SASH1: variants seen among roughly 807,000 people sequenced by gnomAD.
The protein encoded by SASH1 is SAM and SH3 domain-containing protein 1.
SASH1 carries 44 observed loss-of-function variants against 125.2 expected under a neutral mutation model. The observed-to-expected ratio is 0.35, with a 90% confidence interval of 0.28 to 0.45. SASH1 has a LOEUF of 0.45. Ranked by LOEUF, SASH1 falls within the 20% of genes least tolerant of loss-of-function variation. The pLI is 1.00. For missense variants in SASH1, 1,426 were observed against 1,614.5 expected, an observed-to-expected ratio of 0.88 and a Z score of 2.00; for synonymous variants, 639 against 649.1, an observed-to-expected ratio of 0.98 and a Z score of 0.24.
At chr6:148,233,477 G>A in the SASH1 span, among the ~76,000 whole-genome samples, 1 of 151,750 alleles carries the variant, frequency 6.6e-6, no homozygotes. Context: ...AATGTATATT[G>A]TGTATGTACT....
At chr6:148,482,291 A>C (rs1211291635) in intron 7 of SASH1, among the ~76,000 whole-genome samples, 5 of 152,200 alleles carry the variant, frequency 3.3e-5, no homozygotes, top group African/African-American at 1.2e-4. Context: ...ATTGAGAGAG[A>C]TCTATGACCG....
the SASH1 span, among the ~76,000 whole-genome samples, chr6:148,209,512 A>G: frequency 2.0e-5 from 3 of 152,330 alleles, no homozygotes; most frequent in East Asian, 3.9e-4. Flanking sequence ...TCAAGTGTAC[A>G]TCTGTTCTTG....
In SASH1 at chr6:148,356,037, C is replaced by T. The variant is rs529065878; in HGVS notation, c.156+12814C>T. On this transcript the variant is annotated intron_variant, in intron 1 of 19. Coordinates refer to ENST00000367467, the MANE Select transcript of SASH1 (RefSeq NM_015278.5). The stretch of plus-strand genomic sequence containing the variant: ...ATACCTCATCCTCTTCCACGCTTCC[C>T]CCCAAGTCCCCCAAAGTCCATTGTA... Among the ~76,000 whole-genome samples the T allele has an allele frequency of 4.6e-5, 7 of 151,768 alleles. No homozygotes were observed. The South Asian group carries it at 1.5e-3, about 32-fold the overall frequency.
the SASH1 span, among the ~76,000 whole-genome samples, chr6:148,193,964 CTG>C: frequency 1.3e-5 from 2 of 152,092 alleles, no homozygotes; most frequent in Admixed American, 6.5e-5. Flanking sequence ...TCTTGGAACT[CTG>C]TGTTGGATTT....
rs564187947 is a variant in SASH1 at position 148,445,107 on chromosome 6, A to G, written c.386+4700A>G. On this transcript the variant is annotated intron_variant, in intron 4 of 19. Coordinates refer to ENST00000367467, the MANE Select transcript of SASH1 (RefSeq NM_015278.5). ...CATATAATGAGCAGTGAGGATGACC[A>G]GAGGTCACTTTCATCGCCATCTTGG... 9.1e-4 allele frequency among the ~76,000 whole-genome samples: 138 copies of G among 152,318 alleles called. 1 individual carries two copies. The highest frequency in any genetic ancestry group is 3.1e-3 in the African/African-American group (129 of 41,570).
intron 10 of SASH1, among the ~76,000 whole-genome samples, chr6:148,522,185 C>G (rs1780856820): frequency 1.3e-5 from 2 of 152,162 alleles, no homozygotes; most frequent in Non-Finnish European, 2.9e-5. Context: ...GCTTGAGACA[C>G]TAATGGACAG....
chr6:148,317,490 C>T (rs1338770894), intron 1 of SASH1, among the ~76,000 whole-genome samples: 1 of 152,228 alleles, frequency 6.6e-6, no homozygotes, highest in Non-Finnish European at 1.5e-5. Context: ...AATGGCACGA[C>T]CTCGGCTCAC....
At chr6:148,292,603 T>C (rs546530718) in intron 1 of SASH1, among the ~76,000 whole-genome samples, 5 of 152,282 alleles carry the variant, frequency 3.3e-5, no homozygotes, top group Admixed American at 2.6e-4. Flanking sequence ...ACACCGACTT[T>C]CATGGGGACT....
intron 1 of SASH1, among the ~76,000 whole-genome samples, chr6:148,320,664 G>C (rs1314473000): frequency 2.6e-5 from 4 of 152,210 alleles, no homozygotes; most frequent in Non-Finnish European, 2.9e-5. Flanking sequence ...CATCTGCCTT[G>C]AGCTTTGGGT....
intron 2 of SASH1, among the ~76,000 whole-genome samples, chr6:148,416,044 A>C (rs1001582993): frequency 3.3e-5 from 5 of 152,348 alleles, no homozygotes; most frequent in South Asian, 4.1e-4. Flanking sequence ...TGCCCAAGCA[A>C]GTCTGTCCAG....
chr6:148,282,725 T>C (rs1453457839), intron 1 of SASH1, among the ~76,000 whole-genome samples: 3 of 149,370 alleles, frequency 2.0e-5, no homozygotes, highest in Non-Finnish European at 3.0e-5. Context: ...GGAATCAAAC[T>C]GTCAGAGGAA....
chr6:148,439,620 T>C (rs879514904), intron 2 of SASH1, among the ~76,000 whole-genome samples: 3 of 151,838 alleles, frequency 2.0e-5, no homozygotes, highest in Non-Finnish European at 4.4e-5. Flanking sequence ...CTACTAAAAA[T>C]GCAAAAATCA....
intron 1 of SASH1, among the ~76,000 whole-genome samples, chr6:148,348,076 C>T (rs574355627): frequency 3.9e-5 from 6 of 152,112 alleles, no homozygotes; most frequent in Admixed American, 2.0e-4. Context: ...GTGCAATCTC[C>T]GGTCACTGCA....
At chr6:148,541,743 T>A (rs967037569) in intron 17 of SASH1, among the ~76,000 whole-genome samples, 1 of 152,042 alleles carries the variant, frequency 6.6e-6, no homozygotes, top group Non-Finnish European at 1.5e-5. Flanking sequence ...CTCCTTAGAG[T>A]TTGTCCTCTG....
chr6:148,200,166 T>C, the SASH1 span, among the ~76,000 whole-genome samples: 1 of 152,254 alleles, frequency 6.6e-6, no homozygotes, highest in Non-Finnish European at 1.5e-5. Flanking sequence ...CAGTTGTGAC[T>C]ACAGCATTTT....
At chr6:148,405,053 T>G (rs988670673) in intron 2 of SASH1, among the ~76,000 whole-genome samples, 3 of 151,992 alleles carry the variant, frequency 2.0e-5, no homozygotes, top group African/African-American at 7.2e-5. Flanking sequence ...GCGGCTTGAC[T>G]GAAAGCTTGC....
At chr6:148,201,201 CATA>C in the SASH1 span, among the ~76,000 whole-genome samples, 1 of 152,180 alleles carries the variant, frequency 6.6e-6, no homozygotes, top group Non-Finnish European at 1.5e-5. Context: ...ATGACACGAT[CATA>C]ATAATTAACA....
chr6:148,247,003 G>A, the SASH1 span, among the ~76,000 whole-genome samples: 2 of 152,290 alleles, frequency 1.3e-5, no homozygotes, highest in African/African-American at 2.4e-5. Flanking sequence ...TTCCAATAAA[G>A]TGCTGCTGAA....
At position 148,548,284 on chromosome 6, in the gene SASH1, A is replaced by T. The variant is rs1782677417; in HGVS notation, c.3481-11A>T. 6.2e-7 allele frequency: 1 copy of T among 1,601,338 alleles called. No individual in the cohort carries two copies. The highest frequency in any genetic ancestry group is 1.7e-5 in the Admixed American group (1 of 58,536). On this transcript the variant is annotated splice_polypyrimidine_tract_variant and intron_variant, in intron 19 of 19. Coordinates refer to ENST00000367467, the MANE Select transcript of SASH1 (RefSeq NM_015278.5). The stretch of plus-strand genomic sequence containing the variant: ...GAGCGTTTCTATCATATTCTTTCTT[A>T]ATTTATCCAGATTCCAAGTGGTGGA...
Sources: gnomAD v4.1 joint callset for allele counts (sites outside exome capture counted in the v4.1 genomes callset) on GRCh38, gnomAD v4.1.1 for gene constraint, MANE v1.5 for transcripts, NCBI Gene and HGNC (gene_info 2026-07-23, HGNC 2026-07-21) for gene names.